SLC9C1: variants seen among roughly 807,000 people sequenced by gnomAD.
SLC9C1 encodes the protein sodium/hydrogen exchanger 10.
In SLC9C1, 97 loss-of-function variants were observed where a neutral mutation model predicts 140.9. The ratio of observed to expected loss-of-function variants is 0.69; its 90% confidence interval spans 0.58 to 0.82. The LOEUF (loss-of-function observed/expected upper bound fraction) is 0.82. Ranked by LOEUF, SLC9C1 falls within the 40% of genes least tolerant of loss-of-function variation. The pLI is 0.00. For missense variants in SLC9C1, 1,340 were observed against 1,389.3 expected (o/e 0.96, Z 0.56); for synonymous variants, 440 against 442.6 (o/e 0.99, Z 0.07).
chr3:112,189,793 C>G (rs13315900), intron 20 of SLC9C1, among the ~76,000 whole-genome samples: 70,819 of 151,972 alleles, frequency 0.47, 16,885 homozygotes, highest in East Asian at 0.64. Flanking sequence ...GCTTGATGGG[C>G]ATGGTATTGA....
rs138396002 is a variant in SLC9C1, at chr3:112,218,474, G to A, written c.1671-913C>T. Among the ~76,000 whole-genome samples the A allele has an allele frequency of 4.2e-4, 64 of 151,924 alleles. 3 individuals are homozygous for A. The East Asian group carries it at 7.3e-3, about 17-fold the overall frequency. On this transcript the variant is annotated intron_variant, in intron 14 of 28. Transcript: ENST00000305815. ...TTTTTTTTACTACAGGGATACTAAC[G>A]TAATTGAAAAGAATGAAGTCATTCA...
At chr3:112,277,587 T>C (rs2080248938) in intron 5 of SLC9C1, 108 bp downstream of exon 5, 1 of 987,966 alleles carries the variant, frequency 1.0e-6, no homozygotes, top group Non-Finnish European at 1.4e-6. Context: ...AATCCCTCAC[T>C]ACCTGACTTC....
intron 18 of SLC9C1, 75 bp downstream of exon 18, chr3:112,202,175 G>A (rs1258529784): frequency 9.8e-6 from 15 of 1,529,998 alleles, no homozygotes; most frequent in Non-Finnish European, 1.3e-5. Context: ...CTGCATATAT[G>A]AACAGAAAAA....
chr3:112,157,081 G>T (rs2075146399), intron 26 of SLC9C1, among the ~76,000 whole-genome samples: 1 of 151,444 alleles, frequency 6.6e-6, no homozygotes, highest in African/African-American at 2.4e-5. Context: ...GTGGTCTTAG[G>T]CAAAAAAATA....
intron 11 of SLC9C1, among the ~76,000 whole-genome samples, chr3:112,240,726 G>A (rs1301006640): frequency 6.6e-6 from 1 of 152,190 alleles, no homozygotes; most frequent in Non-Finnish European, 1.5e-5. Flanking sequence ...AAGCACATAT[G>A]ATAAATTATC....
intron 26 of SLC9C1, among the ~76,000 whole-genome samples, chr3:112,163,187 G>A (rs199856661): frequency 3.6e-4 from 53 of 146,500 alleles, no homozygotes; most frequent in East Asian, 1.4e-3. Flanking sequence ...TCTTGCTAGC[G>A]GTCTATCTAT....
At chr3:112,154,952 C>T in intron 27 of SLC9C1, 45 bp downstream of exon 27, 1 of 1,563,192 alleles carries the variant, frequency 6.4e-7, no homozygotes, top group Non-Finnish European at 8.7e-7. Context: ...TCTAGACTCT[C>T]TTTTACCCAA....
At position 112,202,342 on chromosome 3, in the gene SLC9C1, A is replaced by G; in HGVS notation, c.2230T>C (p.Phe744Leu). Residue 744 changes from phenylalanine to leucine, a missense_variant, in exon 18 of 29, where the codon TTT becomes CTT. By Grantham distance (22) the Phe-to-Leu change is conservative. Coordinates refer to ENST00000305815, the MANE Select transcript of SLC9C1 (RefSeq NM_183061.3). ...IDKRMSHQKT[F>L]WYGILKGYVQ... is the part of the protein sequence containing the mutation. ...TAGCCTTTTAGTATTCCATACCAAAAGGTCTTCTGATGACTCATTCTTTTA... is the reference window on the plus strand; with the variant it reads ...TAGCCTTTTAGTATTCCATACCAAAGGGTCTTCTGATGACTCATTCTTTTA... The G allele has an allele frequency of 1.2e-6, 2 of 1,610,004 alleles. No individual in the cohort carries two copies. The highest frequency in any genetic ancestry group is 4.5e-5 in the East Asian group (2 of 44,794).
intron 8 of SLC9C1, 140 bp downstream of exon 8, chr3:112,266,098 A>G: frequency 1.6e-6 from 1 of 617,850 alleles, no homozygotes; most frequent in Non-Finnish European, 2.7e-6. Context: ...GAAAAAATAA[A>G]ATCTAGGAAA....
chr3:112,174,502 G>A (rs565519863), intron 23 of SLC9C1, among the ~76,000 whole-genome samples: 61 of 152,278 alleles, frequency 4.0e-4, no homozygotes, highest in African/African-American at 1.2e-3. Context: ...TGGAGGGAGC[G>A]GGGGTGCAGT....
chr3:112,188,419 T>A (rs1407555025), intron 20 of SLC9C1, among the ~76,000 whole-genome samples: 1 of 138,446 alleles, frequency 7.2e-6, no homozygotes, highest in Non-Finnish European at 1.6e-5. Flanking sequence ...TGGTGGGTGA[T>A]GTTCCTCGCC....
chr3:112,159,083 T>C (rs2075212234), intron 26 of SLC9C1, among the ~76,000 whole-genome samples: 1 of 151,820 alleles, frequency 6.6e-6, no homozygotes, highest in Non-Finnish European at 1.5e-5. Flanking sequence ...CTGAGGTGTG[T>C]CATTAGATTT....
At chr3:112,235,511 G>C (rs1173725663) in intron 12 of SLC9C1, among the ~76,000 whole-genome samples, 1 of 150,690 alleles carries the variant, frequency 6.6e-6, no homozygotes, top group Non-Finnish European at 1.5e-5. Context: ...CCAACACTAT[G>C]TTGAATAGGA....
chr3:112,165,653 A>T (rs1331349783), intron 26 of SLC9C1, among the ~76,000 whole-genome samples: 1 of 152,108 alleles, frequency 6.6e-6, no homozygotes. Flanking sequence ...AGGAGTACCT[A>T]GCCATTTGAG....
At chr3:112,190,943 A>ACACACG (rs1346603520) in intron 20 of SLC9C1, among the ~76,000 whole-genome samples, 1 of 142,842 alleles carries the variant, frequency 7.0e-6, no homozygotes, top group East Asian at 1.9e-4. Context: ...ACACACACAC[A>ACACACG]CACACACACA....
At chr3:112,274,851 A>C (rs2080170163) in intron 6 of SLC9C1, 46 bp downstream of exon 6, 1 of 1,419,186 alleles carries the variant, frequency 7.0e-7, no homozygotes, top group African/African-American at 1.5e-5. Context: ...CTTTCAGAAA[A>C]TACAGGATTC....
At chr3:112,214,368 C>T (rs2078294938) in intron 15 of SLC9C1, among the ~76,000 whole-genome samples, 1 of 152,040 alleles carries the variant, frequency 6.6e-6, no homozygotes, top group Non-Finnish European at 1.5e-5. Context: ...CAGAGCAGAA[C>T]TGAAGGAGAT....
rs371780363 is a variant in SLC9C1, at chr3:112,275,317, C to G, written c.485-292G>C. Reference sequence around the variant, plus strand: ...CTATATAAATACATGCATGATAAATCAGATATATTTAAGGCAAGACAGAAA... The same window carrying G: ...CTATATAAATACATGCATGATAAATGAGATATATTTAAGGCAAGACAGAAA... On this transcript the variant is annotated intron_variant, in intron 5 of 28. Coordinates refer to ENST00000305815, the MANE Select transcript of SLC9C1 (RefSeq NM_183061.3). Among the ~76,000 whole-genome samples, 227 of 152,064 alleles carry G rather than the reference C, an allele frequency of 1.5e-3. 2 individuals are homozygous for G. Among genetic ancestry groups the G allele is most frequent in the African/African-American group, 5.3e-3 (220 of 41,498 alleles).
At chr3:112,181,640 A>G (rs2077440855) in intron 21 of SLC9C1, among the ~76,000 whole-genome samples, 1 of 152,220 alleles carries the variant, frequency 6.6e-6, no homozygotes, top group Admixed American at 6.5e-5. Flanking sequence ...AAAGGTACAT[A>G]TTGGATACAA....
Sources: gnomAD v4.1 joint callset for allele counts (sites outside exome capture counted in the v4.1 genomes callset) on GRCh38, gnomAD v4.1.1 for gene constraint, MANE v1.5 for transcripts, NCBI Gene and HGNC (gene_info 2026-07-23, HGNC 2026-07-21) for gene names.